The following ADAM22 variants were observed in gnomAD, a reference collection of about 807,000 sequenced individuals.
ADAM22 encodes the protein disintegrin and metalloproteinase domain-containing protein 22.
ADAM22 carries 65 observed loss-of-function variants against 144.6 expected under a neutral mutation model. The observed-to-expected ratio is 0.45, with a 90% CI of 0.37 to 0.55. The LOEUF (loss-of-function observed/expected upper bound fraction) is 0.55. Ranked by LOEUF, ADAM22 falls within the 20% of genes least tolerant of loss-of-function variation. ADAM22 has a pLI of 0.00. For synonymous variants in ADAM22, 391 were observed against 412.6 expected, an observed-to-expected ratio of 0.95 and a Z score of 0.63; for missense variants, 974 against 1,184.9, an observed-to-expected ratio of 0.82 and a Z score of 2.61.
At chr7:88,180,802 G>T (rs1846821603) in intron 27 of ADAM22, among the ~76,000 whole-genome samples, 1 of 152,074 alleles carries the variant, frequency 6.6e-6, no homozygotes, top group Non-Finnish European at 1.5e-5. Flanking sequence ...TACAAGGTAG[G>T]TGTGTAAATT....
At chr7:88,025,337 T>C (rs552880353) in intron 3 of ADAM22, among the ~76,000 whole-genome samples, 63 of 152,340 alleles carry the variant, frequency 4.1e-4, no homozygotes, top group South Asian at 1.4e-3. Flanking sequence ...CTCTTCACTT[T>C]GTTGATTGTT....
Position 88,168,233 on chromosome 7 carries a change from T to A in ADAM22, c.2282+6T>A. ...ATAACTGCGTGGGGTTATAAGTAAG[T>A]GAAATGTCTCAGTCTTGTTACTATT... On this transcript the variant is annotated splice_donor_region_variant and intron_variant, in intron 25 of 31. Transcript: ENST00000413139. The A allele has an allele frequency of 6.2e-7, 1 of 1,609,698 alleles. No individual in the cohort carries two copies. Among genetic ancestry groups the A allele is most frequent in the Non-Finnish European group, 8.5e-7 (1 of 1,176,392 alleles).
chr7:88,138,597 A>T (rs983739541), intron 14 of ADAM22, among the ~76,000 whole-genome samples: 2 of 152,238 alleles, frequency 1.3e-5, no homozygotes, highest in Non-Finnish European at 2.9e-5. Flanking sequence ...ATTAGAAAGC[A>T]GGGTTGAAAT....
chr7:88,086,286 A>G (rs1259221277), intron 4 of ADAM22, among the ~76,000 whole-genome samples: 1 of 152,234 alleles, frequency 6.6e-6, no homozygotes, highest in Non-Finnish European at 1.5e-5. Context: ...ATTTCCTACA[A>G]TCTGGATTTT....
intron 3 of ADAM22, among the ~76,000 whole-genome samples, chr7:88,043,581 G>A (rs941277536): frequency 1.3e-5 from 2 of 151,690 alleles, no homozygotes; most frequent in African/African-American, 2.4e-5. Context: ...AGTGGCATGC[G>A]CATGTAGTCC....
In ADAM22 at chr7:87,961,243, A is replaced by G. The variant is rs931529976; in HGVS notation, c.247-17093A>G. ...TATATATAGAGAGAATAACCAGTAT[A>G]ATGACCCCAAGGCCAGAGTATATCG... On this transcript the variant is annotated intron_variant, in intron 2 of 31. Coordinates refer to ENST00000413139, the MANE Select transcript of ADAM22 (RefSeq NM_001324418.2). 2.0e-5 allele frequency among the ~76,000 whole-genome samples: 3 copies of G among 152,186 alleles called. No homozygotes were observed. The East Asian group carries it at 5.8e-4, about 29-fold the overall frequency.
chr7:88,132,448 G>A (rs1832043557), intron 11 of ADAM22: 1 of 154,628 alleles, frequency 6.5e-6, no homozygotes, highest in Admixed American at 6.4e-5. Flanking sequence ...CCTTTAATCT[G>A]AAAGATTTCC....
At position 88,114,630 on chromosome 7, in the gene ADAM22, GAA is replaced by G. The variant is rs1201632657; in HGVS notation, c.523_524del (p.Asn175Ter). On this transcript the variant is annotated frameshift_variant, in exon 6 of 32. Coordinates refer to ENST00000413139, the MANE Select transcript of ADAM22 (RefSeq NM_001324418.2). LOFTEE classifies it high-confidence loss of function. Reference sequence around the variant, plus strand: ...CCACACATATCTCATTGAGCCAGAAGAAAATGACACTACTCAAGTAAGTGCTC... The same window carrying G: ...CCACACATATCTCATTGAGCCAGAAGAATGACACTACTCAAGTAAGTGCTC... Reference protein sequence around the residue: ...GNHTYLIEPEENDTTQEDFHF... With the variant: ...GNHTYLIEPEXNDTTQEDFHF... The G allele has an allele frequency of 5.6e-6, 9 of 1,613,810 alleles. No individual in the cohort carries two copies. Among genetic ancestry groups the G allele is most frequent in the Non-Finnish European group, 7.6e-6 (9 of 1,179,868 alleles).
chr7:88,155,626 A>G (rs1460606196), intron 21 of ADAM22, among the ~76,000 whole-genome samples: 2 of 152,150 alleles, frequency 1.3e-5, no homozygotes, highest in Non-Finnish European at 1.5e-5. Context: ...AATTTGATGG[A>G]TTCTTTAAAT....
intron 3 of ADAM22, among the ~76,000 whole-genome samples, chr7:88,050,873 A>C (rs1461657911): frequency 6.6e-6 from 1 of 152,164 alleles, no homozygotes; most frequent in East Asian, 1.9e-4. Context: ...ATTAGATTCC[A>C]TTTGTCAATT....
At chr7:88,010,069 T>C (rs1795011299) in intron 3 of ADAM22, among the ~76,000 whole-genome samples, 2 of 152,124 alleles carry the variant, frequency 1.3e-5, no homozygotes, top group East Asian at 3.9e-4. Context: ...TGTGAACATA[T>C]TGCTAGGGTC....
intron 13 of ADAM22, 99 bp downstream of exon 13, chr7:88,134,518 G>A: frequency 1.3e-6 from 1 of 762,774 alleles, no homozygotes; most frequent in Non-Finnish European, 2.1e-6. Context: ...TTGATGAAAG[G>A]AATTTGAACG....
At position 88,202,142 on chromosome 7, in the gene ADAM22, CA is replaced by C. The variant is rs1851245691; in HGVS notation, c.*5655del. 1 of 152,046 alleles carries C rather than the reference CA, an allele frequency of 6.6e-6. No homozygotes were observed. The highest frequency in any genetic ancestry group is 1.5e-5 in the Non-Finnish European group (1 of 67,986). 9.4% of individuals were successfully genotyped at this position (152,046 alleles called of 1,614,324 possible). ...CCCACTTTTCTTTTCTAATCCAGCA[CA>C]AAATCAAACTCTGATTCTACAACCA... is the stretch of plus-strand genomic sequence containing the variant. On this transcript the variant is annotated 3_prime_UTR_variant, in exon 32 of 32. Coordinates refer to ENST00000413139, the MANE Select transcript of ADAM22 (RefSeq NM_001324418.2).
intron 2 of ADAM22, among the ~76,000 whole-genome samples, chr7:87,965,652 C>G (rs1402442888): frequency 6.6e-6 from 1 of 152,112 alleles, no homozygotes; most frequent in Non-Finnish European, 1.5e-5. Flanking sequence ...TAAAAGTGAG[C>G]CTTTACTCTC....
intron 5 of ADAM22, among the ~76,000 whole-genome samples, chr7:88,109,793 G>A (rs1399333323): frequency 6.6e-6 from 1 of 151,894 alleles, no homozygotes; most frequent in African/African-American, 2.4e-5. Flanking sequence ...AAGAACAGGT[G>A]GCACCTAAGG....
intron 3 of ADAM22, among the ~76,000 whole-genome samples, chr7:88,041,991 C>T (rs537518930): frequency 6.6e-6 from 1 of 151,982 alleles, no homozygotes. Context: ...TAAATAGCAC[C>T]TGTTTCTATG....
chr7:88,071,059 CTT>C (rs1048362988), intron 3 of ADAM22, among the ~76,000 whole-genome samples: 4 of 152,052 alleles, frequency 2.6e-5, no homozygotes, highest in African/African-American at 9.7e-5. Flanking sequence ...TGGAGTCAGA[CTT>C]TGATTAGTAG....
At chr7:88,025,407 G>C (rs564550695) in intron 3 of ADAM22, among the ~76,000 whole-genome samples, 2 of 152,168 alleles carry the variant, frequency 1.3e-5, no homozygotes, top group South Asian at 4.1e-4. Context: ...TTTTTGCTTT[G>C]GTTGCCTGTG....
At chr7:88,184,499 G>T in intron 29 of ADAM22, 1 of 212,950 alleles carries the variant, frequency 4.7e-6, no homozygotes, top group South Asian at 4.7e-5. Context: ...CTTTGAGCGA[G>T]CCCTCATGTT....
Sources: allele counts gnomAD v4.1 joint callset (sites outside exome capture counted in the v4.1 genomes callset), GRCh38; gene constraint gnomAD v4.1.1; transcripts MANE v1.5; gene names NCBI Gene and HGNC (gene_info 2026-07-23, HGNC 2026-07-21).